Variants in GPRIN3 observed in about 807,000 individuals in gnomAD.
GPRIN3 encodes the protein G protein-regulated inducer of neurite outgrowth 3.
GPRIN3 carries 12 observed loss-of-function variants against 13.7 expected under a neutral mutation model. That is an observed-to-expected ratio of 0.87 (90% CI 0.56 to 1.42). GPRIN3 has a LOEUF of 1.42. GPRIN3 is among the 40% of genes most tolerant of loss of function. The pLI, the probability that GPRIN3 is intolerant of heterozygous loss-of-function variation, is 0.00. For missense variants in GPRIN3, 1,009 were observed against 958.7 expected (o/e 1.05, Z -0.69); for synonymous variants, 377 against 372.7 (o/e 1.01, Z -0.13).
chr4:89,273,708 C>A (rs1209060412), intron 1 of GPRIN3, among the ~76,000 whole-genome samples: 1 of 152,140 alleles, frequency 6.6e-6, no homozygotes, highest in African/African-American at 2.4e-5. Context: ...GACAAACAAA[C>A]AAACACATGC....
intron 1 of GPRIN3, among the ~76,000 whole-genome samples, chr4:89,299,992 G>A (rs1223030340): frequency 1.3e-5 from 2 of 151,988 alleles, no homozygotes; most frequent in African/African-American, 2.4e-5. Flanking sequence ...GCCACTTGTC[G>A]TACAGTAAAA....
rs1049166219 is a variant in GPRIN3 at position 89,249,104 on chromosome 4, C to A, written c.1007G>T (p.Ser336Ile). The A allele has an allele frequency of 3.1e-6, 5 of 1,614,178 alleles. No homozygotes were observed. The highest frequency in any genetic ancestry group is 3.3e-5 in the Admixed American group (2 of 60,024). The change falls in exon 2 of 2, where the codon AGC (serine) becomes ATC (isoleucine). Residue 336 changes from serine to isoleucine, a missense_variant. Ser to Ile is a moderately radical substitution (Grantham distance 142). Transcript: ENST00000609438. ...ASVESRSVST[S>I]PSILTAFLKE... Reference sequence around the variant, plus strand: ...CAGAAATGCAGTGAGGATACTGGGGCTGGTGGAGACGGATCTGCTCTCGAC... The same window carrying A: ...CAGAAATGCAGTGAGGATACTGGGGATGGTGGAGACGGATCTGCTCTCGAC...
chr4:89,270,600 TAA>T (rs34016285), intron 1 of GPRIN3, among the ~76,000 whole-genome samples: 25,241 of 120,498 alleles, frequency 0.21, 3,159 homozygotes, highest in African/African-American at 0.38. Context: ...TATATATATA[TAA>T]AATATAGATA....
In GPRIN3 at chr4:89,248,245, C is replaced by G; in HGVS notation, c.1866G>C (p.Lys622Asn). 6.2e-7 allele frequency: 1 copy of G among 1,614,166 alleles called. No individual in the cohort carries two copies. The highest frequency in any genetic ancestry group is 8.5e-7 in the Non-Finnish European group (1 of 1,180,020). ...TGGCTTTGACGGAGCGAGATGGGGT[C>G]TTCTTGCCAGAACCTGGGCTGGAGT... ...MGDSSPGSGKKTPSRSVKASP... is the reference protein window; with the variant it reads ...MGDSSPGSGKNTPSRSVKASP... Residue 622 changes from lysine (K) to asparagine (N), a missense_variant, in exon 2 of 2, where the codon AAG becomes AAC. Physicochemically the swap from Lys to Asn is moderately conservative, Grantham distance 94 (BLOSUM62 0). Transcript: ENST00000609438.
At chr4:89,291,257 T>C (rs1348015043) in intron 1 of GPRIN3, among the ~76,000 whole-genome samples, 1 of 152,166 alleles carries the variant, frequency 6.6e-6, no homozygotes, top group East Asian at 1.9e-4. Flanking sequence ...TTTCGATAAA[T>C]GCTTCTGTGT....
intron 1 of GPRIN3, among the ~76,000 whole-genome samples, chr4:89,291,879 G>A: frequency 6.8e-6 from 1 of 147,370 alleles, no homozygotes. Flanking sequence ...AGTGTGGGAT[G>A]GAATTTTAAC....
At chr4:89,254,636 A>C (rs1326647314) in intron 1 of GPRIN3, among the ~76,000 whole-genome samples, 1 of 152,134 alleles carries the variant, frequency 6.6e-6, no homozygotes, top group Non-Finnish European at 1.5e-5. Context: ...ATTGCTGGGC[A>C]TTTAGGTTGA....
intron 1 of GPRIN3, among the ~76,000 whole-genome samples, chr4:89,296,912 G>C (rs748063838): frequency 2.1e-4 from 32 of 151,976 alleles, no homozygotes; most frequent in Non-Finnish European, 4.0e-4. Context: ...TTTCACATTT[G>C]CTTTTTAAGC....
chr4:89,282,680 G>A (rs890256703), intron 1 of GPRIN3, among the ~76,000 whole-genome samples: 14 of 151,346 alleles, frequency 9.3e-5, no homozygotes, highest in African/African-American at 2.4e-4. Context: ...GCGTGACCCA[G>A]GGAAGCCAAA....
chr4:89,272,917 A>C (rs1723998853), intron 1 of GPRIN3, among the ~76,000 whole-genome samples: 1 of 152,226 alleles, frequency 6.6e-6, no homozygotes, highest in Non-Finnish European at 1.5e-5. Flanking sequence ...GCTCCATCCA[A>C]ATAGGTAACC....
At chr4:89,296,124 C>T (rs1179225004) in intron 1 of GPRIN3, among the ~76,000 whole-genome samples, 2 of 152,156 alleles carry the variant, frequency 1.3e-5, no homozygotes, top group Non-Finnish European at 2.9e-5. Flanking sequence ...AAAAGCAGTG[C>T]TCTCTACTGT....
At position 89,245,069 on chromosome 4, in the gene GPRIN3, T is replaced by C. The variant is rs1163422067; in HGVS notation, c.*2711A>G. The C allele has an allele frequency of 6.6e-6, 1 of 152,222 alleles. No individual in the cohort carries two copies. Among genetic ancestry groups the C allele is most frequent in the East Asian group, 1.9e-4 (1 of 5,198 alleles). The allele number at this position is 152,222 out of a possible 1,614,324, so 9.4% of individuals were successfully genotyped here. ...AAGGTATACTAAATGCCTAATGCTA[T>C]GTCACAGATTGAAGTGAAGGAAAAT... On this transcript the variant is annotated 3_prime_UTR_variant, in exon 2 of 2. Transcript: ENST00000609438.
At chr4:89,305,509 T>C (rs1209190085) in intron 1 of GPRIN3, among the ~76,000 whole-genome samples, 1 of 152,126 alleles carries the variant, frequency 6.6e-6, no homozygotes, top group Non-Finnish European at 1.5e-5. Context: ...AATGAATGAG[T>C]GCATAAAGGG....
At position 89,249,152 on chromosome 4, in the gene GPRIN3, G is replaced by T. The variant is rs373668813; in HGVS notation, c.959C>A (p.Ala320Glu). Residue 320 changes from alanine to glutamate, a missense_variant, in exon 2 of 2, where the codon GCG becomes GAG. Transcript: ENST00000609438. ...GACACTCGCCACTGCCTGCACCTCCGCATCTTGCCAAGCCCTGCTGGGAAC... is the reference window on the plus strand; with the variant it reads ...GACACTCGCCACTGCCTGCACCTCCTCATCTTGCCAAGCCCTGCTGGGAAC... ...KEVPSRAWQD[A>E]EVQAVASVES... 13 of 1,614,048 alleles carry T rather than the reference G, an allele frequency of 8.1e-6. 1 individual carries two copies. The South Asian group carries it at 1.2e-4, about 15-fold the overall frequency.
intron 1 of GPRIN3, among the ~76,000 whole-genome samples, chr4:89,253,640 A>G (rs1353354847): frequency 6.6e-6 from 1 of 152,254 alleles, no homozygotes; most frequent in Non-Finnish European, 1.5e-5. Context: ...GTTTACTTCC[A>G]TTTCCAACAC....
chr4:89,272,081 C>T (rs1292714728), intron 1 of GPRIN3, among the ~76,000 whole-genome samples: 1 of 152,126 alleles, frequency 6.6e-6, no homozygotes, highest in African/African-American at 2.4e-5. Context: ...GGAACCTTGA[C>T]CTTGGACTTT....
chr4:89,288,220 T>A (rs1046186708), intron 1 of GPRIN3, among the ~76,000 whole-genome samples: 1 of 152,186 alleles, frequency 6.6e-6, no homozygotes, highest in African/African-American at 2.4e-5. Flanking sequence ...AGAAAAGACA[T>A]GTGATCCCAA....
intron 1 of GPRIN3, among the ~76,000 whole-genome samples, chr4:89,269,368 A>G (rs1204767896): frequency 1.3e-5 from 2 of 152,128 alleles, no homozygotes; most frequent in Admixed American, 1.3e-4. Flanking sequence ...GTAGTATATT[A>G]CTAAACTTCT....
chr4:89,271,467 C>A (rs562834529), intron 1 of GPRIN3, among the ~76,000 whole-genome samples: 1 of 152,222 alleles, frequency 6.6e-6, no homozygotes, highest in South Asian at 2.1e-4. Flanking sequence ...TTGCATATAA[C>A]CTACACACAT....
Sources: gnomAD v4.1 joint callset for allele counts (sites outside exome capture counted in the v4.1 genomes callset) on GRCh38, gnomAD v4.1.1 for gene constraint, MANE v1.5 for transcripts, NCBI Gene and HGNC (gene_info 2026-07-23, HGNC 2026-07-21) for gene names.